GPSM2: variants seen among roughly 807,000 people sequenced by gnomAD.
The protein encoded by GPSM2 is G protein signaling modulator 2.
GPSM2 carries 58 observed loss-of-function variants against 78.4 expected under a neutral mutation model. The ratio of observed to expected loss-of-function variants is 0.74; its 90% CI spans 0.60 to 0.92. The LOEUF (loss-of-function observed/expected upper bound fraction) is 0.92, where lower values mean the gene tolerates loss of function less well. GPSM2 is among the 40% of genes least tolerant of loss of function. The probability of loss-of-function intolerance (pLI) is 0.00; values close to 1 mark genes in which losing one functional copy is unlikely to be tolerated. For synonymous variants in GPSM2, 224 were observed against 280.2 expected (o/e 0.80, Z 2.00); for missense variants, 700 against 815.5 (o/e 0.86, Z 1.73).
rs772343977 is a variant in GPSM2 at position 108,929,991 on chromosome 1, A to G, written c.*51A>G. 45 of 1,538,798 alleles carry G rather than the reference A, an allele frequency of 2.9e-5. 1 individual carries two copies. In the South Asian group the frequency reaches 3.4e-4, roughly 12 times the overall value. The stretch of plus-strand genomic sequence containing the variant: ...TTCAAACACGGTAAGGAAACAATCT[A>G]TTACTTTTTTCCTTAAAAGGAGAAT... On this transcript the variant is annotated 3_prime_UTR_variant, in exon 15 of 15. Coordinates refer to ENST00000264126, the MANE Select transcript of GPSM2 (RefSeq NM_013296.5).
At position 108,931,278 on chromosome 1, in the gene GPSM2, TTA is replaced by T; in HGVS notation, c.*1339_*1340del. On this transcript the variant is annotated 3_prime_UTR_variant, in exon 15 of 15. Coordinates refer to ENST00000264126, the MANE Select transcript of GPSM2 (RefSeq NM_013296.5). ...TGAAAGAAAGATGTCAGCTAGAACC[TTA>T]GTTGTCATTAAGCTTTGTCTTCCTT... 1 of 1,507,556 alleles carries T rather than the reference TTA, an allele frequency of 6.6e-7. No homozygotes were observed. The highest frequency in any genetic ancestry group is 8.9e-7 in the Non-Finnish European group (1 of 1,125,798). 93.4% of individuals were successfully genotyped at this position (1,507,556 alleles called of 1,614,324 possible).
Position 108,923,997 on chromosome 1 carries a change from T to G in GPSM2, c.1601-3T>G, listed in dbSNP as rs1338485620. 3 of 1,586,546 alleles carry G rather than the reference T, an allele frequency of 1.9e-6. No homozygotes were observed. Among genetic ancestry groups the G allele is most frequent in the Non-Finnish European group, 1.7e-6 (2 of 1,154,946 alleles). ...ATCTTTGGCTTTCTTCTTCTGTTCT[T>G]AGCATCATCTGTTCCTGTGGTATCC... On this transcript the variant is annotated splice_region_variant and splice_polypyrimidine_tract_variant and intron_variant, in intron 13 of 14. Coordinates refer to ENST00000264126, the MANE Select transcript of GPSM2 (RefSeq NM_013296.5).
At chr1:108,907,141 G>GT (rs1649299017) in intron 10 of GPSM2, among the ~76,000 whole-genome samples, 1 of 152,296 alleles carries the variant, frequency 6.6e-6, no homozygotes, top group African/African-American at 2.4e-5. Flanking sequence ...GAAGACAGGT[G>GT]TTTTTTGGTC....
chr1:108,905,261 C>CA (rs1339529059), intron 10 of GPSM2, among the ~76,000 whole-genome samples: 1 of 152,208 alleles, frequency 6.6e-6, no homozygotes, highest in Non-Finnish European at 1.5e-5. Flanking sequence ...CAAAAACAAA[C>CA]AGTCGCTTGT....
chr1:108,914,704 G>A (rs1356617079), intron 11 of GPSM2, among the ~76,000 whole-genome samples: 11 of 152,164 alleles, frequency 7.2e-5, no homozygotes, highest in Non-Finnish European at 1.5e-5. Flanking sequence ...CTGAGTGTCT[G>A]GGTTAGGCTA....
intron 14 of GPSM2, 44 bp downstream of exon 14, chr1:108,924,258 C>T: frequency 4.4e-6 from 5 of 1,138,140 alleles, no homozygotes; most frequent in Non-Finnish European, 6.7e-6. Flanking sequence ...GCTCAGATAC[C>T]ACTGAAAACA....
At chr1:108,894,467 A>G (rs973490809) in intron 2 of GPSM2, among the ~76,000 whole-genome samples, 14 of 152,146 alleles carry the variant, frequency 9.2e-5, no homozygotes, top group African/African-American at 3.4e-4. Context: ...GGAGGCCAAG[A>G]TGGGTGGATT....
At chr1:108,890,468 T>C (rs1361715149) in intron 2 of GPSM2, among the ~76,000 whole-genome samples, 1 of 152,196 alleles carries the variant, frequency 6.6e-6, no homozygotes, top group Non-Finnish European at 1.5e-5. Context: ...TGGTTGCACT[T>C]TGCTATAGGA....
chr1:108,929,551 A>AG (rs1651527522), intron 14 of GPSM2, 150 bp from the exon 15 acceptor site: 2 of 711,524 alleles, frequency 2.8e-6, no homozygotes, highest in Non-Finnish European at 4.9e-6. Context: ...CTGGGAACTA[A>AG]AGAGAACAAT....
chr1:108,920,204 C>T (rs569405621), intron 12 of GPSM2, among the ~76,000 whole-genome samples: 1 of 151,682 alleles, frequency 6.6e-6, no homozygotes, highest in Admixed American at 6.6e-5. Flanking sequence ...CGCAGTGGCT[C>T]ATACCTGTAA....
chr1:108,931,576 C>T lies in GPSM2; in HGVS notation c.*1636C>T, dbSNP rs1651980753. The T allele has an allele frequency of 1.4e-6, 2 of 1,422,742 alleles. No individual in the cohort carries two copies. The highest frequency in any genetic ancestry group is 3.0e-5 in the African/African-American group (2 of 67,232). The allele number at this position is 1,422,742 out of a possible 1,614,324, so 88.1% of individuals were successfully genotyped here. On this transcript the variant is annotated 3_prime_UTR_variant, in exon 15 of 15. Transcript: ENST00000264126. The stretch of plus-strand genomic sequence containing the variant: ...GCAAATAGAACTATTTCTCTAATGG[C>T]CAATGTTTTTTAAGAGTCATAACCT...
At chr1:108,886,977 C>T (rs1647601654) in intron 2 of GPSM2, among the ~76,000 whole-genome samples, 1 of 151,852 alleles carries the variant, frequency 6.6e-6, no homozygotes, top group Non-Finnish European at 1.5e-5. Flanking sequence ...ACCTCCGCCT[C>T]CCATGTTAAA....
At position 108,898,624 on chromosome 1, in the gene GPSM2, C is replaced by T; in HGVS notation, c.558-18C>T. The T allele has an allele frequency of 1.9e-6, 3 of 1,612,424 alleles. No homozygotes were observed. Among genetic ancestry groups the T allele is most frequent in the Non-Finnish European group, 2.5e-6 (3 of 1,178,804 alleles). On this transcript the variant is annotated intron_variant, in intron 5 of 14. Transcript: ENST00000264126. ...GTTCTGCAAACTTATTTTTTCATCACTTTTTGCGATCCCTTAGGGAAAACC... is the reference window on the plus strand; with the variant it reads ...GTTCTGCAAACTTATTTTTTCATCATTTTTTGCGATCCCTTAGGGAAAACC...
intron 2 of GPSM2, among the ~76,000 whole-genome samples, chr1:108,892,118 C>T (rs1011577242): frequency 5.3e-5 from 8 of 152,120 alleles, no homozygotes; most frequent in African/African-American, 1.9e-4. Flanking sequence ...GATCACACAA[C>T]CACAGAAATG....
intron 8 of GPSM2, 32 bp downstream of exon 8, chr1:108,901,977 G>A (rs1430883815): frequency 6.9e-7 from 1 of 1,451,062 alleles, no homozygotes; most frequent in South Asian, 1.1e-5. Context: ...CATAACTAAG[G>A]TAAAATATAG....
chr1:108,914,316 A>T (rs1650006187), intron 10 of GPSM2, 22 bp from the exon 11 acceptor site: 3 of 1,547,612 alleles, frequency 1.9e-6, no homozygotes, highest in Non-Finnish European at 2.7e-6. Flanking sequence ...GGTTTATTTG[A>T]ATTAATTTTT....
At chr1:108,881,346 TCCTTTCAAA>T (rs1343495231) in intron 1 of GPSM2, among the ~76,000 whole-genome samples, 11 of 152,208 alleles carry the variant, frequency 7.2e-5, no homozygotes, top group Non-Finnish European at 1.3e-4. Context: ...CTTCTCAATA[TCCTTTCAAA>T]CCTACAAATT....
At chr1:108,917,673 T>A (rs915116854) in intron 11 of GPSM2, among the ~76,000 whole-genome samples, 7 of 115,298 alleles carry the variant, frequency 6.1e-5, no homozygotes, top group South Asian at 3.2e-4. Flanking sequence ...TATAAATGAG[T>A]TCTCACTATG....
intron 5 of GPSM2, 124 bp downstream of exon 5, chr1:108,898,225 T>G: frequency 2.2e-6 from 2 of 905,138 alleles, no homozygotes; most frequent in Non-Finnish European, 3.6e-6. Flanking sequence ...ACTAGCAAAA[T>G]CATCAATTCA....
Sources: gnomAD v4.1 joint callset for allele counts (sites outside exome capture counted in the v4.1 genomes callset) on GRCh38, gnomAD v4.1.1 for gene constraint, MANE v1.5 for transcripts, NCBI Gene and HGNC (gene_info 2026-07-23, HGNC 2026-07-21) for gene names.